Variants in PPP2R2B observed in about 807,000 individuals in gnomAD.
PPP2R2B encodes serine/threonine-protein phosphatase 2A 55 kDa regulatory subunit B beta isoform.
PPP2R2B carries 5 observed loss-of-function variants against 46.0 expected under a neutral mutation model. That is an observed-to-expected ratio of 0.11 (90% CI 0.06 to 0.23). PPP2R2B has a LOEUF of 0.23. Ranked by LOEUF, PPP2R2B falls within the 10% of genes least tolerant of loss-of-function variation. The pLI is 1.00. For missense variants in PPP2R2B, 367 were observed against 575.0 expected, an observed-to-expected ratio of 0.64 and a Z score of 3.70; for synonymous variants, 215 against 206.7, an observed-to-expected ratio of 1.04 and a Z score of -0.34.
At chr5:146,798,683 A>C (rs1318831013) in intron 2 of PPP2R2B, among the ~76,000 whole-genome samples, 1 of 152,216 alleles carries the variant, frequency 6.6e-6, no homozygotes, top group Non-Finnish European at 1.5e-5. Context: ...TTGACTCAGC[A>C]CTTAAGAATG....
At chr5:146,979,558 A>AACACACACACACAC (rs34864782) in intron 1 of PPP2R2B, among the ~76,000 whole-genome samples, 13 of 137,354 alleles carry the variant, frequency 9.5e-5, no homozygotes, top group African/African-American at 3.4e-4. Context: ...CCCACCTTGA[A>AACACACACACACAC]ACACACACAC....
At chr5:147,074,600 T>A (rs1468903157) in intron 2 of PPP2R2B, among the ~76,000 whole-genome samples, 3 of 152,184 alleles carry the variant, frequency 2.0e-5, no homozygotes, top group East Asian at 3.8e-4. Context: ...TTATTTATTT[T>A]TTTTCTGGTG....
At chr5:146,756,853 T>G (rs1753864488) in intron 2 of PPP2R2B, among the ~76,000 whole-genome samples, 1 of 152,188 alleles carries the variant, frequency 6.6e-6, no homozygotes, top group African/African-American at 2.4e-5. Context: ...CACCATTCAT[T>G]CAATTACTGC....
intron 5 of PPP2R2B, 40 bp from the exon 6 acceptor site, chr5:146,650,764 T>A: frequency 1.3e-6 from 2 of 1,578,132 alleles, no homozygotes; most frequent in East Asian, 4.5e-5. Flanking sequence ...GAACCAAAGA[T>A]CTTCCATAGG....
At chr5:146,689,446 A>G (rs1385714676) in intron 5 of PPP2R2B, among the ~76,000 whole-genome samples, 2 of 152,220 alleles carry the variant, frequency 1.3e-5, no homozygotes, top group African/African-American at 4.8e-5. Context: ...ATTGCTTACT[A>G]TTCAACACAG....
intron 7 of PPP2R2B, among the ~76,000 whole-genome samples, chr5:146,632,114 A>C (rs185473200): frequency 1.4e-3 from 182 of 133,846 alleles, no homozygotes; most frequent in African/African-American, 5.0e-3. Context: ...GTACTGCAAA[A>C]TATAACTGTA....
At chr5:146,723,328 A>G (rs17105270) in intron 2 of PPP2R2B, among the ~76,000 whole-genome samples, 9,805 of 152,238 alleles carry the variant, frequency 0.064, 681 homozygotes, top group East Asian at 0.36. Context: ...TCAGTCATTC[A>G]GCTTTCCTTT....
At chr5:146,887,501 T>C (rs906607961) in intron 1 of PPP2R2B, among the ~76,000 whole-genome samples, 2 of 152,168 alleles carry the variant, frequency 1.3e-5, no homozygotes, top group Non-Finnish European at 2.9e-5. Flanking sequence ...CATACCTATA[T>C]ATATATATTA....
At chr5:146,735,028 G>T (rs1353898474) in intron 2 of PPP2R2B, among the ~76,000 whole-genome samples, 1 of 152,288 alleles carries the variant, frequency 6.6e-6, no homozygotes, top group Non-Finnish European at 1.5e-5. Flanking sequence ...TGTAAGAGAT[G>T]AACTGAGCTA....
chr5:146,838,112 G>T (rs573451832), intron 2 of PPP2R2B, among the ~76,000 whole-genome samples: 2 of 152,190 alleles, frequency 1.3e-5, no homozygotes, highest in African/African-American at 2.4e-5. Flanking sequence ...AATGAAAGAA[G>T]AATTTAAAAA....
At chr5:147,009,680 C>A (rs536021751) in intron 1 of PPP2R2B, among the ~76,000 whole-genome samples, 17 of 151,990 alleles carry the variant, frequency 1.1e-4, no homozygotes, top group African/African-American at 3.6e-4. Flanking sequence ...CTAAAGATAT[C>A]ACTTCACATG....
chr5:146,935,895 G>C (rs1315589351), intron 1 of PPP2R2B, among the ~76,000 whole-genome samples: 1 of 152,066 alleles, frequency 6.6e-6, no homozygotes, highest in Non-Finnish European at 1.5e-5. Context: ...ATCTTTCCCA[G>C]CAACTTAGGC....
chr5:146,755,593 T>C (rs1753787895), intron 2 of PPP2R2B, among the ~76,000 whole-genome samples: 1 of 152,218 alleles, frequency 6.6e-6, no homozygotes, highest in Admixed American at 6.5e-5. Flanking sequence ...CCAAAGAGCA[T>C]CCAAATTATT....
intron 2 of PPP2R2B, among the ~76,000 whole-genome samples, chr5:146,868,207 A>G (rs1761420955): frequency 6.6e-6 from 1 of 152,202 alleles, no homozygotes; most frequent in Non-Finnish European, 1.5e-5. Flanking sequence ...ACTTTGCCAA[A>G]TGGCTCCTCT....
chr5:146,889,039 G>A (rs1326892789), intron 1 of PPP2R2B, among the ~76,000 whole-genome samples: 1 of 152,148 alleles, frequency 6.6e-6, no homozygotes, highest in Admixed American at 6.5e-5. Flanking sequence ...AAACGATTTT[G>A]TTCTCTGCTT....
intron 2 of PPP2R2B, among the ~76,000 whole-genome samples, chr5:146,784,597 T>G (rs1449820474): frequency 6.6e-5 from 10 of 152,206 alleles, no homozygotes; most frequent in African/African-American, 2.4e-4. Flanking sequence ...CAATCTGTAA[T>G]GTATATAATA....
chr5:146,840,126 T>C (rs917734934), intron 2 of PPP2R2B, among the ~76,000 whole-genome samples: 2 of 152,220 alleles, frequency 1.3e-5, no homozygotes, highest in African/African-American at 4.8e-5. Flanking sequence ...GAATTTCTAT[T>C]TAAAGGAGCA....
chr5:146,824,777 G>A (rs1758469117), intron 2 of PPP2R2B, among the ~76,000 whole-genome samples: 1 of 151,080 alleles, frequency 6.6e-6, no homozygotes, highest in Non-Finnish European at 1.5e-5. Context: ...AAGTGCAGTG[G>A]TGCAATCTCG....
intron 1 of PPP2R2B, among the ~76,000 whole-genome samples, chr5:147,002,733 G>T (rs533494987): frequency 3.4e-5 from 5 of 148,808 alleles, no homozygotes; most frequent in African/African-American, 1.2e-4. Context: ...AGGGTCCAGG[G>T]ACCATTGCGG....
Sources: allele counts gnomAD v4.1 joint callset (sites outside exome capture counted in the v4.1 genomes callset), GRCh38; gene constraint gnomAD v4.1.1; transcripts MANE v1.5; gene names NCBI Gene and HGNC (gene_info 2026-07-23, HGNC 2026-07-21).